Variants in ATP2A2 observed in about 807,000 individuals in gnomAD.
ATP2A2 encodes the protein sarcoplasmic/endoplasmic reticulum calcium ATPase 2.
In ATP2A2, 14 loss-of-function variants were observed where a neutral mutation model predicts 109.3. That is an observed-to-expected ratio of 0.13 (90% CI 0.08 to 0.20). ATP2A2 has a LOEUF of 0.20. ATP2A2 is among the 10% of genes least tolerant of loss of function. The pLI, the probability that ATP2A2 is intolerant of heterozygous loss-of-function variation, is 1.00. For synonymous variants in ATP2A2, 506 were observed against 490.9 expected, an observed-to-expected ratio of 1.03 and a Z score of -0.41; for missense variants, 657 against 1,321.6, an observed-to-expected ratio of 0.50 and a Z score of 7.80.
chr12:110,305,956 T>C (rs914940866), intron 5 of ATP2A2, among the ~76,000 whole-genome samples: 28 of 152,118 alleles, frequency 1.8e-4, no homozygotes, highest in Admixed American at 7.2e-4. Context: ...TCTTTTGTTA[T>C]TGCATTTTTG....
At chr12:110,326,785 T>C (rs979683880) in intron 7 of ATP2A2, among the ~76,000 whole-genome samples, 2 of 152,216 alleles carry the variant, frequency 1.3e-5, no homozygotes, top group African/African-American at 4.8e-5. Context: ...CAAAATGATG[T>C]AGATGACAGC....
At chr12:110,304,314 A>C (rs1875019973) in intron 5 of ATP2A2, among the ~76,000 whole-genome samples, 1 of 152,186 alleles carries the variant, frequency 6.6e-6, no homozygotes, top group African/African-American at 2.4e-5. Context: ...TAAGCATGGA[A>C]TTATGGGGCC....
At chr12:110,312,192 A>G (rs980742196) in intron 5 of ATP2A2, among the ~76,000 whole-genome samples, 1 of 152,002 alleles carries the variant, frequency 6.6e-6, no homozygotes, top group African/African-American at 2.4e-5. Context: ...CTGTCTCCCA[A>G]AAAAAGTTCG....
Position 110,346,365 on chromosome 12 carries a change from G to T in ATP2A2, c.3024G>T (p.Ser1008=). 12 of 1,614,046 alleles carry T rather than the reference G, an allele frequency of 7.4e-6. No homozygotes were observed. The highest frequency in any genetic ancestry group is 1.0e-5 in the Non-Finnish European group (12 of 1,179,972). Residue 1008 remains serine (S), a synonymous_variant, in exon 20 of 20, where the codon TCG becomes TCT. Coordinates refer to ENST00000539276, the MANE Select transcript of ATP2A2 (RefSeq NM_170665.4). ...VQPATKSCSF[S]ACTDGISWPF... ...CTGCCACCAAATCCTGCTCGTTCTC[G>T]GCATGCACCGATGGGATTTCCTGGC...
At chr12:110,283,780 A>G (rs928619512) in intron 3 of ATP2A2, among the ~76,000 whole-genome samples, 4 of 152,138 alleles carry the variant, frequency 2.6e-5, no homozygotes, top group Non-Finnish European at 4.4e-5. Context: ...ACAAAACTTC[A>G]CGGTTTCAGT....
rs763898504 is a variant in ATP2A2 at position 110,342,470 on chromosome 12, A to C, written c.2318+22A>C. The C allele has an allele frequency of 6.2e-7, 1 of 1,608,440 alleles. No homozygotes were observed. Among genetic ancestry groups the C allele is most frequent in the East Asian group, 2.2e-5 (1 of 44,856 alleles). The stretch of plus-strand genomic sequence containing the variant: ...TCTGGTAGGTCTCTGTGACAGCATC[A>C]CTTACTGTACGCCTTTATCTAAATG... On this transcript the variant is annotated intron_variant, in intron 15 of 19. Coordinates refer to ENST00000539276, the MANE Select transcript of ATP2A2 (RefSeq NM_170665.4). This position sits in a 1 kb window ranked among gnomAD's most constrained non-coding sequence, Gnocchi z 4.6.
At position 110,339,682 on chromosome 12, in the gene ATP2A2, A is replaced by C; in HGVS notation, c.1722A>C (p.Glu574Asp). 1 of 1,614,138 alleles carries C rather than the reference A, an allele frequency of 6.2e-7. No individual in the cohort carries two copies. Among genetic ancestry groups the C allele is most frequent in the Non-Finnish European group, 8.5e-7 (1 of 1,180,036 alleles). ...ATHDNPLRRE[E>D]MHLEDSANFI... ...ATGACAACCCACTGAGAAGAGAAGA[A>C]ATGCACCTTGAGGACTCTGCCAACT... The change falls in exon 13 of 20, where the codon GAA becomes GAC. Residue 574 changes from glutamate to aspartate, a missense_variant. This residue lies in a region of ATP2A2 where 180 missense variants were observed against 329.1 expected (regional missense o/e 0.55). Coordinates refer to ENST00000539276, the MANE Select transcript of ATP2A2 (RefSeq NM_170665.4). This position sits in a 1 kb window ranked among gnomAD's most constrained non-coding sequence, Gnocchi z 4.4.
At position 110,350,235 on chromosome 12, in the gene ATP2A2, T is replaced by A. The variant is rs1188331460; in HGVS notation, c.*3765T>A. Reference sequence around the variant, plus strand: ...GATCTTCATCTATTTAAATAGGTATTCTAACGTTTCCTCTCTGTATTTCAT... The same window carrying A: ...GATCTTCATCTATTTAAATAGGTATACTAACGTTTCCTCTCTGTATTTCAT... On this transcript the variant is annotated 3_prime_UTR_variant, in exon 20 of 20. Coordinates refer to ENST00000539276, the MANE Select transcript of ATP2A2 (RefSeq NM_170665.4). 8.7e-6 allele frequency: 14 copies of A among 1,614,054 alleles called. No homozygotes were observed. The highest frequency in any genetic ancestry group is 1.3e-5 in the African/African-American group (1 of 74,942).
intron 11 of ATP2A2, among the ~76,000 whole-genome samples, chr12:110,337,248 G>C (rs1035433608): frequency 6.6e-6 from 1 of 152,190 alleles, no homozygotes; most frequent in African/African-American, 2.4e-5. Flanking sequence ...AGGAACCCAT[G>C]TGTAGTTTAG....
intron 5 of ATP2A2, among the ~76,000 whole-genome samples, chr12:110,319,668 C>T (rs1399366906): frequency 6.7e-6 from 1 of 149,290 alleles, no homozygotes; most frequent in African/African-American, 2.4e-5. Flanking sequence ...ATCTATACTA[C>T]ACATATTGTA....
chr12:110,304,784 G>T (rs1320133845), intron 5 of ATP2A2, among the ~76,000 whole-genome samples: 1 of 151,980 alleles, frequency 6.6e-6, no homozygotes, highest in East Asian at 1.9e-4. Flanking sequence ...CATTGTTGTT[G>T]CTTGTGCTTT....
intron 5 of ATP2A2, among the ~76,000 whole-genome samples, chr12:110,311,622 A>C (rs866966532): frequency 3.5e-5 from 5 of 141,018 alleles, no homozygotes; most frequent in Admixed American, 7.2e-5. Context: ...AAAAAAAAAA[A>C]CGCTGGGATT....
At chr12:110,296,297 A>G in intron 4 of ATP2A2, 1 of 378,550 alleles carries the variant, frequency 2.6e-6, no homozygotes, top group East Asian at 6.1e-5. Context: ...TTTAAATGGC[A>G]GGGGGATTTG....
In ATP2A2 at chr12:110,342,875, A is replaced by C. The variant is rs954851576; in HGVS notation, c.2319-357A>C. ...GGTTCAAGCCTCCCGAACAGCTGGG[A>C]TTACAGGCATGCGCCACCACTCCCT... On this transcript the variant is annotated intron_variant, in intron 15 of 19. Coordinates refer to ENST00000539276, the MANE Select transcript of ATP2A2 (RefSeq NM_170665.4). This position sits in a 1 kb window ranked among gnomAD's most constrained non-coding sequence, Gnocchi z 4.6. Among the ~76,000 whole-genome samples the C allele has an allele frequency of 1.3e-4, 19 of 151,966 alleles. No individual in the cohort carries two copies. The highest frequency in any genetic ancestry group is 2.1e-4 in the Non-Finnish European group (14 of 67,982).
intron 5 of ATP2A2, among the ~76,000 whole-genome samples, chr12:110,297,238 G>T (rs184607439): frequency 4.1e-4 from 62 of 152,084 alleles, no homozygotes; most frequent in African/African-American, 1.2e-3. Flanking sequence ...AAGAGATTGA[G>T]ACCACCCTGG....
At chr12:110,313,222 C>G (rs1876282386) in intron 5 of ATP2A2, among the ~76,000 whole-genome samples, 1 of 151,398 alleles carries the variant, frequency 6.6e-6, no homozygotes, top group Non-Finnish European at 1.5e-5. Flanking sequence ...GTCACAGTAC[C>G]AGGAAGTGCC....
At chr12:110,312,867 A>G (rs1003700432) in intron 5 of ATP2A2, among the ~76,000 whole-genome samples, 8 of 151,230 alleles carry the variant, frequency 5.3e-5, no homozygotes, top group African/African-American at 1.9e-4. Context: ...AAAAAAAAAG[A>G]AAACAAAACA....
intron 4 of ATP2A2, among the ~76,000 whole-genome samples, chr12:110,295,635 G>A (rs1293521326): frequency 2.6e-5 from 4 of 151,952 alleles, no homozygotes; most frequent in Non-Finnish European, 5.9e-5. Flanking sequence ...CTTTTTCTGG[G>A]GTATATACAT....
rs34894637 is a variant in ATP2A2 at position 110,300,351 on chromosome 12, CTTTTTTT to C, written c.463+3628_463+3634del. Among the ~76,000 whole-genome samples, 251 of 104,436 alleles carry C rather than the reference CTTTTTTT, an allele frequency of 2.4e-3. 2 individuals are homozygous for C. Among genetic ancestry groups the C allele is most frequent in the African/African-American group, 0.01 (244 of 23,644 alleles). The allele number at this position is 104,436 out of a possible 152,430, so 68.5% of individuals were successfully genotyped here. On this transcript the variant is annotated intron_variant, in intron 5 of 19. Transcript: ENST00000539276. ...TACAGGCACATGACACCATGCCCAGCTTTTTTTTTTTTTTTTTTTTAAAGACGGAATC... is the reference window on the plus strand; with the variant it reads ...TACAGGCACATGACACCATGCCCAGCTTTTTTTTTTTTTAAAGACGGAATC...
Sources: gnomAD v4.1 joint callset for allele counts (sites outside exome capture counted in the v4.1 genomes callset) on GRCh38, gnomAD v4.1.1 for gene constraint, gnomAD v4.1.1 regional missense constraint, Gnocchi (gnomAD v3.1) non-coding constraint, MANE v1.5 for transcripts, NCBI Gene and HGNC (gene_info 2026-07-23, HGNC 2026-07-21) for gene names.